The following ZRANB1 variants were observed in gnomAD, a reference collection of about 807,000 sequenced individuals.
ZRANB1 encodes the protein zinc finger RANBP2-type containing 1, also known as ubiquitin thioesterase ZRANB1.
A neutral mutation model predicts 80.5 loss-of-function variants in ZRANB1; 16 were observed. The ratio of observed to expected loss-of-function variants is 0.20; its 90% CI spans 0.13 to 0.30. The LOEUF (loss-of-function observed/expected upper bound fraction) is 0.30, where lower values mean the gene tolerates loss of function less well. Ranked by LOEUF, ZRANB1 falls within the 10% of genes least tolerant of loss-of-function variation. ZRANB1 has a pLI of 1.00. For missense variants in ZRANB1, 576 were observed against 862.6 expected, an observed-to-expected ratio of 0.67 and a Z score of 4.16; for synonymous variants, 291 against 293.1, an observed-to-expected ratio of 0.99 and a Z score of 0.07.
intron 5 of ZRANB1, among the ~76,000 whole-genome samples, chr10:124,979,319 C>T (rs937139766): frequency 1.3e-5 from 2 of 152,186 alleles, no homozygotes; most frequent in African/African-American, 2.4e-5. Flanking sequence ...GCTTATTGCT[C>T]ATTCCTATAG....
intron 5 of ZRANB1, among the ~76,000 whole-genome samples, chr10:124,976,016 G>C (rs1313326719): frequency 6.6e-6 from 1 of 152,090 alleles, no homozygotes; most frequent in Admixed American, 6.6e-5. Flanking sequence ...GGGAGCGGAG[G>C]GGGAAGCATA....
chr10:124,980,625 T>G (rs1200591422), intron 5 of ZRANB1, among the ~76,000 whole-genome samples: 1 of 152,236 alleles, frequency 6.6e-6, no homozygotes, highest in Non-Finnish European at 1.5e-5. Flanking sequence ...TGATTAAACA[T>G]CCTCAGTTAC....
rs138472835 is a variant in ZRANB1, at chr10:124,956,295, G to C, written c.815-10299G>C. On this transcript the variant is annotated intron_variant, in intron 1 of 8. Coordinates refer to ENST00000359653, the MANE Select transcript of ZRANB1 (RefSeq NM_017580.3). ...GTGTTTTGACTCTAGAGAATTGTTG[G>C]GATCTAAACTAACTTTAAAAAGTTG... 2.7e-4 allele frequency among the ~76,000 whole-genome samples: 41 copies of C among 151,926 alleles called. No homozygotes were observed. The East Asian group carries it at 7.4e-3, about 27-fold the overall frequency.
At chr10:124,947,040 G>A (rs781034604) in intron 1 of ZRANB1, among the ~76,000 whole-genome samples, 5 of 152,220 alleles carry the variant, frequency 3.3e-5, no homozygotes, top group Non-Finnish European at 7.3e-5. Context: ...CTAGGAATGA[G>A]GAAGATTCAG....
intron 2 of ZRANB1, among the ~76,000 whole-genome samples, chr10:124,970,364 C>T (rs1951812691): frequency 6.6e-6 from 1 of 152,134 alleles, no homozygotes; most frequent in Non-Finnish European, 1.5e-5. Context: ...TCAAGTGATC[C>T]TCTCACCTTT....
At chr10:124,970,506 C>T (rs1951814381) in intron 2 of ZRANB1, among the ~76,000 whole-genome samples, 1 of 152,152 alleles carries the variant, frequency 6.6e-6, no homozygotes, top group Non-Finnish European at 1.5e-5. Context: ...AAATGATCCT[C>T]CTGCCTTGGC....
At chr10:124,942,083 C>A (rs1951540429), upstream of ZRANB1, 6 of 958,846 alleles carry the variant, frequency 6.3e-6, no homozygotes, top group Non-Finnish European at 7.5e-6. Flanking sequence ...TTTCCTCTAC[C>A]TTTGTCTCTT....
chr10:124,931,069 T>C, the ZRANB1 span, among the ~76,000 whole-genome samples: 1 of 152,156 alleles, frequency 6.6e-6, no homozygotes, highest in African/African-American at 2.4e-5. Context: ...TTTTATGCCC[T>C]CTTAAGGATA....
chr10:124,953,161 A>C (rs1200989887), intron 1 of ZRANB1, among the ~76,000 whole-genome samples: 2 of 136,746 alleles, frequency 1.5e-5, no homozygotes, highest in Non-Finnish European at 3.1e-5. Context: ...CAAATTCCTG[A>C]CCTTGCCTCC....
intron 2 of ZRANB1, among the ~76,000 whole-genome samples, chr10:124,971,173 C>A (rs1259216752): frequency 6.6e-6 from 1 of 152,084 alleles, no homozygotes; most frequent in Non-Finnish European, 1.5e-5. Context: ...TTTTAGAATT[C>A]TGTGTATGTA....
chr10:124,952,162 GCGTGCGT>G (rs1457444891), intron 1 of ZRANB1, among the ~76,000 whole-genome samples: 2 of 152,068 alleles, frequency 1.3e-5, no homozygotes, highest in African/African-American at 4.8e-5. Flanking sequence ...ACCTCCCCAT[GCGTGCGT>G]CCCAGTCCCC....
chr10:124,942,469 C>T lies in ZRANB1; in HGVS notation c.-25C>T. On this transcript the variant is annotated 5_prime_UTR_variant, in exon 1 of 9. Coordinates refer to ENST00000359653, the MANE Select transcript of ZRANB1 (RefSeq NM_017580.3). ...TAATTATTTATAGCTTCCTGCCTGA[C>T]ACAGCTCACTTCAAGAAGTGCACAA... 1 of 1,613,744 alleles carries T rather than the reference C, an allele frequency of 6.2e-7. No homozygotes were observed. The highest frequency in any genetic ancestry group is 8.5e-7 in the Non-Finnish European group (1 of 1,179,700).
chr10:124,929,260 G>A, the ZRANB1 span, among the ~76,000 whole-genome samples: 1 of 152,074 alleles, frequency 6.6e-6, no homozygotes, highest in Non-Finnish European at 1.5e-5. Context: ...ATTAGCAAGA[G>A]GGTACTGGAG....
At chr10:124,917,344 C>A in the ZRANB1 span, 1 of 150,552 alleles carries the variant, frequency 6.6e-6, no homozygotes, top group South Asian at 1.9e-4. Context: ...CCCAGGTTGC[C>A]GGGCCTCACG....
Position 124,974,379 on chromosome 10 carries a change from C to T in ZRANB1, c.1408C>T (p.Leu470=). Residue 470 remains leucine (L), a synonymous_variant, in exon 5 of 9, where the codon CTG becomes TTG. Coordinates refer to ENST00000359653, the MANE Select transcript of ZRANB1 (RefSeq NM_017580.3). ...SVLRKALHDS[L]HDCSHWFYTR... The stretch of plus-strand genomic sequence containing the variant: ...GCTTCGGAAAGCCCTGCATGACAGC[C>T]TGCATGACTGTTCACATTGGTGAGC... 6.2e-7 allele frequency: 1 copy of T among 1,614,252 alleles called. No homozygotes were observed. Among genetic ancestry groups the T allele is most frequent in the East Asian group, 2.2e-5 (1 of 44,890 alleles).
intron 1 of ZRANB1, among the ~76,000 whole-genome samples, chr10:124,954,727 CG>C (rs1951675335): frequency 1.3e-5 from 2 of 150,116 alleles, no homozygotes; most frequent in South Asian, 4.3e-4. Context: ...GGATTACAGG[CG>C]TGAGTCACAG....
In ZRANB1 at chr10:124,949,346, G is replaced by A. The variant is rs540056886; in HGVS notation, c.814+6039G>A. Among the ~76,000 whole-genome samples, 106 of 151,626 alleles carry A rather than the reference G, an allele frequency of 7.0e-4. No individual in the cohort carries two copies. In the Middle Eastern group the frequency reaches 0.01, roughly 15 times the overall value. On this transcript the variant is annotated intron_variant, in intron 1 of 8. Coordinates refer to ENST00000359653, the MANE Select transcript of ZRANB1 (RefSeq NM_017580.3). ...GTTTAGGAGCTGAGATTTGGTTGGGGCTGTTGAAGGTATAGGGGGAAAAAA... is the reference window on the plus strand; with the variant it reads ...GTTTAGGAGCTGAGATTTGGTTGGGACTGTTGAAGGTATAGGGGGAAAAAA...
rs780987857 is a variant in ZRANB1 at position 124,943,027 on chromosome 10, T to C, written c.534T>C (p.Asn178=). Residue 178 remains asparagine (N), a synonymous_variant, in exon 1 of 9, where the codon AAT becomes AAC. Transcript: ENST00000359653. ...RCVVCDHPRP[N]NIEAIELAET... ...TTGTTTGTGATCATCCCAGACCTAA[T>C]AACATTGAAGCAATAGAATTGGCAG... 12 of 1,614,038 alleles carry C rather than the reference T, an allele frequency of 7.4e-6. No individual in the cohort carries two copies. The East Asian group carries it at 2.7e-4, about 36-fold the overall frequency.
At chr10:124,931,790 G>C in the ZRANB1 span, among the ~76,000 whole-genome samples, 1 of 152,142 alleles carries the variant, frequency 6.6e-6, no homozygotes, top group African/African-American at 2.4e-5. Flanking sequence ...TCCTTCCACA[G>C]AGTGGTATAT....
Sources: allele counts gnomAD v4.1 joint callset (sites outside exome capture counted in the v4.1 genomes callset), GRCh38; gene constraint gnomAD v4.1.1; transcripts MANE v1.5; gene names NCBI Gene and HGNC (gene_info 2026-07-23, HGNC 2026-07-21).